The following CDYL variants were observed in gnomAD, a reference collection of about 807,000 sequenced individuals.
CDYL encodes chromodomain Y like.
CDYL carries 8 observed loss-of-function variants against 47.3 expected under a neutral mutation model. The observed-to-expected ratio is 0.17, with a 90% CI of 0.10 to 0.31. CDYL has a LOEUF of 0.31. Ranked by LOEUF, CDYL falls within the 10% of genes least tolerant of loss-of-function variation. CDYL has a pLI of 1.00. For missense variants in CDYL, 471 were observed against 701.4 expected (o/e 0.67, Z 3.71); for synonymous variants, 266 against 265.0 (o/e 1.00, Z -0.04).
rs1029348577 is a variant in CDYL at position 4,942,250 on chromosome 6, G to A, written c.1122-1296G>A. Among the ~76,000 whole-genome samples the A allele has an allele frequency of 3.4e-4, 51 of 152,096 alleles. 1 individual carries two copies. The highest frequency in any genetic ancestry group is 1.1e-3 in the African/African-American group (45 of 41,416). On this transcript the variant is annotated intron_variant, in intron 4 of 6. Coordinates refer to ENST00000397588, the MANE Select transcript of CDYL (RefSeq NM_004824.4). ...TTGGGGGCTAGGCTGAGGTCCAGCCGCTAAACTCTGCAATTCCTCACTCTC... is the reference window on the plus strand; with the variant it reads ...TTGGGGGCTAGGCTGAGGTCCAGCCACTAAACTCTGCAATTCCTCACTCTC...
At chr6:4,739,871 A>G (rs1757766185) in intron 3 of CDYL, among the ~76,000 whole-genome samples, 1 of 151,708 alleles carries the variant, frequency 6.6e-6, no homozygotes, top group South Asian at 2.1e-4. Flanking sequence ...GAGAATCGCT[A>G]GAACCCAGGA....
chr6:4,833,064 C>G (rs529290559), intron 1 of CDYL, among the ~76,000 whole-genome samples: 30,545 of 141,910 alleles, frequency 0.22, 3,430 homozygotes, highest in African/African-American at 0.41. Flanking sequence ...TTTTGTGTCT[C>G]TATTTCCTTC....
chr6:4,819,270 TCTTA>T (rs1360217327), intron 1 of CDYL, among the ~76,000 whole-genome samples: 5 of 152,098 alleles, frequency 3.3e-5, no homozygotes, highest in African/African-American at 1.2e-4. Context: ...ATCATTAAAG[TCTTA>T]CTTGTATGTT....
intron 1 of CDYL, among the ~76,000 whole-genome samples, chr6:4,842,662 T>C (rs952820138): frequency 2.6e-5 from 4 of 152,172 alleles, no homozygotes; most frequent in South Asian, 2.1e-4. Context: ...TGAGTACTTA[T>C]GTGTTAGGTG....
rs951477926 is a variant in CDYL at position 4,860,437 on chromosome 6, G to T, written c.25-31276G>T. ...CTAGCATATGGGAAGTGAGTCTCCA[G>T]TTGGGGAGCTTGTTAGCAATTATAT... On this transcript the variant is annotated intron_variant, in intron 1 of 6. Transcript: ENST00000397588. Among the ~76,000 whole-genome samples the T allele has an allele frequency of 1.3e-4, 20 of 151,036 alleles. 1 individual carries two copies. Among genetic ancestry groups the T allele is most frequent in the Admixed American group, 1.3e-3 (19 of 15,128 alleles).
At chr6:4,885,890 G>A (rs1761886990) in intron 1 of CDYL, among the ~76,000 whole-genome samples, 1 of 152,068 alleles carries the variant, frequency 6.6e-6, no homozygotes, top group African/African-American at 2.4e-5. Flanking sequence ...GTATCCATTA[G>A]CTATCATCTT....
chr6:4,869,802 T>C (rs1364853220), intron 1 of CDYL, among the ~76,000 whole-genome samples: 1 of 152,190 alleles, frequency 6.6e-6, no homozygotes, highest in Non-Finnish European at 1.5e-5. Context: ...TGCATAGTGT[T>C]GTAATTAATG....
chr6:4,905,509 T>C (rs550172353), intron 2 of CDYL, among the ~76,000 whole-genome samples: 5 of 151,972 alleles, frequency 3.3e-5, no homozygotes, highest in Non-Finnish European at 5.9e-5. Context: ...GCAGGGGCAG[T>C]GGGGGGATAT....
chr6:4,747,031 A>G (rs1206411073), intron 3 of CDYL, among the ~76,000 whole-genome samples: 1 of 152,128 alleles, frequency 6.6e-6, no homozygotes, highest in African/African-American at 2.4e-5. Context: ...GGCATTGGTC[A>G]GGCACAGTGG....
intron 1 of CDYL, among the ~76,000 whole-genome samples, chr6:4,779,370 A>G (rs990779079): frequency 1.8e-4 from 28 of 152,022 alleles, no homozygotes; most frequent in African/African-American, 6.0e-4. Context: ...TTGAACTCAC[A>G]TGGTCTGGTA....
chr6:4,900,779 G>GTGTGTATATATGTATGTATGTA, intron 2 of CDYL, among the ~76,000 whole-genome samples: 3 of 51,720 alleles, frequency 5.8e-5, no homozygotes, highest in South Asian at 9.5e-4. Flanking sequence ...GTATACGTGT[G>GTGTGTATATATGTATGTATGTA]TATATATATA....
At chr6:4,822,788 C>T (rs1759877642) in intron 1 of CDYL, among the ~76,000 whole-genome samples, 1 of 152,196 alleles carries the variant, frequency 6.6e-6, no homozygotes, top group South Asian at 2.1e-4. Flanking sequence ...TAATATTTGT[C>T]TCAGTCATGT....
chr6:4,954,102 G>A lies in CDYL; in HGVS notation c.*46G>A. On this transcript the variant is annotated 3_prime_UTR_variant, in exon 7 of 7. Transcript: ENST00000397588. ...GACACCGGGATCGGGCTGAGCAGGAGAACATCACCGGCTCCAGTTCCCCTG... is the reference window on the plus strand; with the variant it reads ...GACACCGGGATCGGGCTGAGCAGGAAAACATCACCGGCTCCAGTTCCCCTG... 1 of 1,573,264 alleles carries A rather than the reference G, an allele frequency of 6.4e-7. No homozygotes were observed. Among genetic ancestry groups the A allele is most frequent in the Non-Finnish European group, 8.7e-7 (1 of 1,154,572 alleles).
chr6:4,841,953 C>T (rs1760502223), intron 1 of CDYL, among the ~76,000 whole-genome samples: 1 of 144,936 alleles, frequency 6.9e-6, no homozygotes, highest in African/African-American at 2.5e-5. Context: ...TCTTTGTTGA[C>T]TTTATATTAA....
chr6:4,759,966 A>G (rs1169975741), intron 3 of CDYL, among the ~76,000 whole-genome samples: 3 of 150,030 alleles, frequency 2.0e-5, no homozygotes, highest in Non-Finnish European at 3.0e-5. Flanking sequence ...AAAAAGAAAA[A>G]CAAAAGAAAT....
chr6:4,861,451 C>T (rs532717495), intron 1 of CDYL, among the ~76,000 whole-genome samples: 3 of 152,324 alleles, frequency 2.0e-5, no homozygotes, highest in Non-Finnish European at 4.4e-5. Flanking sequence ...TGTTTGAGCT[C>T]CACTTCCCCG....
At chr6:4,865,320 C>T (rs147163227) in intron 1 of CDYL, among the ~76,000 whole-genome samples, 2 of 152,314 alleles carry the variant, frequency 1.3e-5, no homozygotes, top group Admixed American at 1.3e-4. Context: ...TTTAAAATAG[C>T]CAATTGGAAT....
chr6:4,736,605 A>G (rs1757708154), intron 3 of CDYL, among the ~76,000 whole-genome samples: 1 of 150,814 alleles, frequency 6.6e-6, no homozygotes, highest in South Asian at 2.1e-4. Context: ...GGTTTGCAGA[A>G]TCACCTGGCA....
intron 1 of CDYL, among the ~76,000 whole-genome samples, chr6:4,888,898 C>T (rs1761966534): frequency 1.3e-5 from 2 of 152,024 alleles, no homozygotes. Context: ...ATGAATTTTC[C>T]CAACTTCTTT....
Sources: allele counts gnomAD v4.1 joint callset (sites outside exome capture counted in the v4.1 genomes callset), GRCh38; gene constraint gnomAD v4.1.1; transcripts MANE v1.5; gene names NCBI Gene and HGNC (gene_info 2026-07-23, HGNC 2026-07-21).